The following GLS2 variants were observed in gnomAD, a reference collection of about 807,000 sequenced individuals.
The protein encoded by GLS2 is glutaminase 2, also known as glutaminase liver isoform, mitochondrial.
In GLS2, 52 loss-of-function variants were observed where a neutral mutation model predicts 79.0. The observed-to-expected ratio is 0.66, with a 90% CI of 0.53 to 0.83. The LOEUF is 0.83. Among genes scored for constraint, GLS2 ranks in the 40% least tolerant of loss-of-function variants. The probability of loss-of-function intolerance (pLI) is 0.00; values close to 1 mark genes in which losing one functional copy is unlikely to be tolerated. For missense variants in GLS2, 561 were observed against 764.8 expected (o/e 0.73, Z 3.14); for synonymous variants, 238 against 280.8 (o/e 0.85, Z 1.52).
intron 7 of GLS2, chr12:56,476,962 T>G (rs563545970): frequency 6.6e-6 from 1 of 152,374 alleles, no homozygotes; most frequent in African/African-American, 2.4e-5. Context: ...TACAGGTTTG[T>G]AGATGGAGCC....
At chr12:56,475,294 G>C in intron 9 of GLS2, 184 bp from the exon 10 acceptor site, 1 of 1,457,108 alleles carries the variant, frequency 6.9e-7, no homozygotes, top group Non-Finnish European at 9.2e-7. Flanking sequence ...GCATAGTTTT[G>C]TTATAAAGTA....
At chr12:56,476,077 G>T in intron 7 of GLS2, 100 bp from the exon 8 acceptor site, 1 of 1,162,446 alleles carries the variant, frequency 8.6e-7, no homozygotes, top group Non-Finnish European at 1.3e-6. Flanking sequence ...GTCTGGTCCT[G>T]CTGCTGCAAA....
Position 56,488,144 on chromosome 12 carries a change from G to A in GLS2, c.-26C>T. ...GCCCCAGCAAGCCTCCGGCTCTGCA[G>A]GTGCGCCCGGGACCTCTAGCTGTGG... On this transcript the variant is annotated 5_prime_UTR_variant, in exon 1 of 18. Transcript: ENST00000311966. 1 of 1,515,442 alleles carries A rather than the reference G, an allele frequency of 6.6e-7. No homozygotes were observed. The highest frequency in any genetic ancestry group is 2.5e-5 in the East Asian group (1 of 40,084). 93.9% of individuals were successfully genotyped at this position (1,515,442 alleles called of 1,614,324 possible). A position where few individuals can be genotyped will look rare whatever the true frequency, so the allele number is the denominator to read the frequency against.
chr12:56,473,482 C>T lies in GLS2; in HGVS notation c.1337G>A (p.Arg446Lys). The T allele has an allele frequency of 6.2e-7, 1 of 1,613,918 alleles. No homozygotes were observed. Among genetic ancestry groups the T allele is most frequent in the Non-Finnish European group, 8.5e-7 (1 of 1,179,892 alleles). The change falls in exon 13 of 18, where the codon AGG (arginine) becomes AAG (lysine). Residue 446 changes from arginine to lysine, a missense_variant. Coordinates refer to ENST00000311966, the MANE Select transcript of GLS2 (RefSeq NM_013267.4). ...PPLDKLGNSH[R>K]GTSFCQKLVS... ...TCTCACCTGGCAGAAGCTGGTCCCCCTATGGCTGTTCCCCAGCTTGTCCAA... is the reference window on the plus strand; with the variant it reads ...TCTCACCTGGCAGAAGCTGGTCCCCTTATGGCTGTTCCCCAGCTTGTCCAA...
chr12:56,484,254 A>C (rs1031551688), intron 1 of GLS2, among the ~76,000 whole-genome samples: 2 of 152,178 alleles, frequency 1.3e-5, no homozygotes, highest in African/African-American at 4.8e-5. Context: ...TGGGCAACAG[A>C]GCGAGACTCC....
At position 56,474,437 on chromosome 12, in the gene GLS2, GTGAA is replaced by G. The variant is rs914244991; in HGVS notation, c.1224+103_1224+106del. 3 of 1,392,502 alleles carry G rather than the reference GTGAA, an allele frequency of 2.2e-6. No individual in the cohort carries two copies. In the African/African-American group the frequency reaches 4.3e-5, roughly 20 times the overall value. 86.3% of individuals were successfully genotyped at this position (1,392,502 alleles called of 1,614,324 possible). A position where few individuals can be genotyped will look rare whatever the true frequency, so the allele number is the denominator to read the frequency against. ...AACCTAATTGCCTTCCTGGAAGTTA[GTGAA>G]TGAGAGGCAGGAACAAGCTTCCACC... On this transcript the variant is annotated intron_variant, in intron 12 of 17. Transcript: ENST00000311966.
chr12:56,487,907 C>T (rs370694488), intron 1 of GLS2, 30 bp downstream of exon 1: 36 of 1,592,074 alleles, frequency 2.3e-5, no homozygotes, highest in East Asian at 1.8e-4. Flanking sequence ...GGGGGCAAGC[C>T]CGTCCCCTGC....
At position 56,477,985 on chromosome 12, in the gene GLS2, C is replaced by A. The variant is rs780176073; in HGVS notation, c.726G>T (p.Val242=). 8.7e-6 allele frequency: 14 copies of A among 1,614,210 alleles called. No homozygotes were observed. The highest frequency in any genetic ancestry group is 1.2e-5 in the Non-Finnish European group (14 of 1,180,030). The stretch of plus-strand genomic sequence containing the variant: ...AGCGCAGGCCACTTGGCTCTTTGCC[C>A]ACAAACTTGTGCACGTAGTCAGTGC... ...TLGTDYVHKF[V]GKEPSGLRYN... Residue 242 remains valine (V), a synonymous_variant, in exon 6 of 18, where the codon GTG becomes GTT. Coordinates refer to ENST00000311966, the MANE Select transcript of GLS2 (RefSeq NM_013267.4).
chr12:56,475,837 T>G, intron 8 of GLS2, 108 bp downstream of exon 8: 1 of 1,412,214 alleles, frequency 7.1e-7, no homozygotes, highest in South Asian at 1.2e-5. Context: ...AGGCTTCTAG[T>G]ATGGGCTGGT....
chr12:56,475,602 A>G (rs1330792138), intron 9 of GLS2, 22 bp downstream of exon 9: 1 of 1,612,542 alleles, frequency 6.2e-7, no homozygotes, highest in Non-Finnish European at 8.5e-7. Flanking sequence ...GCTTTCAGTC[A>G]GTCCTCTGAG....
chr12:56,481,199 C>CTTTTT (rs767616017), intron 1 of GLS2, among the ~76,000 whole-genome samples: 78 of 79,012 alleles, frequency 9.9e-4, no homozygotes, highest in Non-Finnish European at 1.2e-3. Flanking sequence ...TGCCAGTGAT[C>CTTTTT]TTTTTTTTTT....
chr12:56,479,556 C>T (rs1870118998), intron 3 of GLS2: 1 of 487,564 alleles, frequency 2.1e-6, no homozygotes, highest in Non-Finnish European at 3.4e-6. Context: ...CTAATATTTA[C>T]TTCTGGGAAA....
chr12:56,472,262 A>G (rs1330949679), intron 15 of GLS2, 67 bp from the exon 16 acceptor site: 14 of 1,415,872 alleles, frequency 9.9e-6, no homozygotes, highest in Non-Finnish European at 1.3e-5. Flanking sequence ...TTCTTTGTGA[A>G]CTGGTGTCAG....
At chr12:56,471,925 G>C in intron 16 of GLS2, 89 bp from the exon 17 acceptor site, 1 of 1,435,728 alleles carries the variant, frequency 7.0e-7, no homozygotes, top group Non-Finnish European at 9.8e-7. Context: ...TTACCAAGAG[G>C]GGAGGGGAAA....
chr12:56,475,779 A>T, intron 8 of GLS2, 97 bp from the exon 9 acceptor site: 1 of 1,431,584 alleles, frequency 7.0e-7, no homozygotes, highest in Non-Finnish European at 9.7e-7. Context: ...GGTCTTGTCA[A>T]GAGGCTTTCC....
intron 17 of GLS2, 63 bp downstream of exon 17, chr12:56,471,710 G>A: frequency 1.9e-6 from 3 of 1,610,962 alleles, no homozygotes; most frequent in Non-Finnish European, 1.7e-6. Flanking sequence ...ATATTTGCAT[G>A]GTGGCTGGAG....
At chr12:56,475,821 GAA>G in intron 8 of GLS2, 122 bp downstream of exon 8, 1 of 1,415,012 alleles carries the variant, frequency 7.1e-7, no homozygotes. Context: ...CACATTTCTG[GAA>G]ATAAGGCTTC....
intron 7 of GLS2, chr12:56,476,581 C>T (rs1178150240): frequency 6.6e-6 from 1 of 151,900 alleles, no homozygotes; most frequent in African/African-American, 2.4e-5. Flanking sequence ...TAGGAGAGAC[C>T]CTGCCTCAAT....
intron 1 of GLS2, among the ~76,000 whole-genome samples, chr12:56,482,656 C>T (rs1421714322): frequency 6.6e-6 from 1 of 152,194 alleles, no homozygotes; most frequent in Admixed American, 6.5e-5. Context: ...CTAGCAAGGT[C>T]CCTGTGTCCC....
Sources: allele counts gnomAD v4.1 joint callset (sites outside exome capture counted in the v4.1 genomes callset), GRCh38; gene constraint gnomAD v4.1.1; transcripts MANE v1.5; gene names NCBI Gene and HGNC (gene_info 2026-07-23, HGNC 2026-07-21).